Variants in NCKAP5 observed in about 807,000 individuals in gnomAD.
NCKAP5 encodes the protein nck-associated protein 5.
In NCKAP5, 92 loss-of-function variants were observed where a neutral mutation model predicts 167.0. The observed-to-expected ratio is 0.55, with a 90% CI of 0.47 to 0.66. The LOEUF (loss-of-function observed/expected upper bound fraction) is 0.66. Ranked by LOEUF, NCKAP5 falls within the 30% of genes least tolerant of loss-of-function variation. The pLI is 0.00. For missense variants in NCKAP5, 2,378 were observed against 2,315.0 expected, an observed-to-expected ratio of 1.03 and a Z score of -0.56; for synonymous variants, 891 against 877.4, an observed-to-expected ratio of 1.02 and a Z score of -0.27.
At chr2:132,759,979 T>C (rs1002238589) in intron 16 of NCKAP5, among the ~76,000 whole-genome samples, 2 of 152,100 alleles carry the variant, frequency 1.3e-5, no homozygotes, top group African/African-American at 4.8e-5. Context: ...ATTTTATTTC[T>C]ACCCTTAAAT....
intron 7 of NCKAP5, 98 bp from the exon 8 acceptor site, chr2:132,963,967 T>C (rs2076591462): frequency 5.9e-6 from 8 of 1,363,944 alleles, no homozygotes; most frequent in Non-Finnish European, 8.2e-6. Flanking sequence ...TGCGTGTGCA[T>C]TCTTCCGGGG....
At position 133,520,466 on chromosome 2, in the gene NCKAP5, A is replaced by C. The variant is rs566503012; in HGVS notation, c.-61-2879T>G. On this transcript the variant is annotated intron_variant, in intron 2 of 19. Coordinates refer to ENST00000409261, the MANE Select transcript of NCKAP5 (RefSeq NM_207363.3). The stretch of plus-strand genomic sequence containing the variant: ...TACTCTATATGACAGCATTGATAAT[A>C]GGACCTTCTTCATAGTAGGGTTTTC... Among the ~76,000 whole-genome samples the C allele has an allele frequency of 2.0e-5, 3 of 152,348 alleles. No individual in the cohort carries two copies. The East Asian group carries it at 5.8e-4, about 29-fold the overall frequency.
the NCKAP5 span, among the ~76,000 whole-genome samples, chr2:133,672,052 T>C: frequency 1.3e-5 from 2 of 152,152 alleles, no homozygotes; most frequent in Non-Finnish European, 2.9e-5. Flanking sequence ...ATAAATGCTA[T>C]GAAGAAAGAG....
In NCKAP5 at chr2:132,895,522, G is replaced by A. The variant is rs1000669917; in HGVS notation, c.580-16606C>T. On this transcript the variant is annotated intron_variant, in intron 8 of 19. Coordinates refer to ENST00000409261, the MANE Select transcript of NCKAP5 (RefSeq NM_207363.3). The stretch of plus-strand genomic sequence containing the variant: ...AGACATCTAGCCAGAAGCTGGAAAT[G>A]TAGGTCTAGTTTAAGAAGCCAGGGC... 4.6e-5 allele frequency among the ~76,000 whole-genome samples: 7 copies of A among 152,220 alleles called. No homozygotes were observed. In the East Asian group the frequency reaches 9.7e-4, roughly 21 times the overall value.
At chr2:133,186,257 T>G (rs940786185) in intron 5 of NCKAP5, among the ~76,000 whole-genome samples, 1 of 152,162 alleles carries the variant, frequency 6.6e-6, no homozygotes, top group Non-Finnish European at 1.5e-5. Flanking sequence ...TGAATCATGC[T>G]TATTGATTTG....
chr2:133,189,007 G>A (rs891367275), intron 5 of NCKAP5, among the ~76,000 whole-genome samples: 3 of 152,058 alleles, frequency 2.0e-5, no homozygotes, highest in South Asian at 2.1e-4. Flanking sequence ...CTGGTTTTTC[G>A]AAAAGATCAA....
At chr2:132,977,930 T>G (rs1302616979) in intron 7 of NCKAP5, among the ~76,000 whole-genome samples, 1 of 152,174 alleles carries the variant, frequency 6.6e-6, no homozygotes, top group Non-Finnish European at 1.5e-5. Context: ...AGCTATCACT[T>G]GAGGTGCTTC....
intron 4 of NCKAP5, among the ~76,000 whole-genome samples, chr2:133,228,779 C>T (rs1246920310): frequency 6.6e-6 from 1 of 152,158 alleles, no homozygotes; most frequent in African/African-American, 2.4e-5. Flanking sequence ...TTTCAAGACA[C>T]AGACCCTTTT....
chr2:132,789,963 G>C, intron 13 of NCKAP5, 60 bp downstream of exon 13: 1 of 1,506,702 alleles, frequency 6.6e-7, no homozygotes, highest in Non-Finnish European at 8.9e-7. Context: ...TCATCTCCAT[G>C]ACCAAATCCT....
intron 3 of NCKAP5, among the ~76,000 whole-genome samples, chr2:133,437,627 C>T (rs1433699684): frequency 6.6e-6 from 1 of 152,114 alleles, no homozygotes; most frequent in Admixed American, 6.5e-5. Flanking sequence ...TAGATGATTC[C>T]TAAAGCAGCC....
intron 3 of NCKAP5, among the ~76,000 whole-genome samples, chr2:133,400,331 C>T (rs530186223): frequency 6.6e-6 from 1 of 152,190 alleles, no homozygotes; most frequent in South Asian, 2.1e-4. Context: ...ACCCCTGGAG[C>T]CTGAGAATGG....
At chr2:132,707,444 C>T (rs768672786) in intron 19 of NCKAP5, among the ~76,000 whole-genome samples, 214 of 152,210 alleles carry the variant, frequency 1.4e-3, no homozygotes, top group Non-Finnish European at 2.5e-3. Context: ...TCAAGGACTG[C>T]AACTCTTGGG....
chr2:132,821,545 C>G (rs1686733990), intron 11 of NCKAP5, among the ~76,000 whole-genome samples: 1 of 152,088 alleles, frequency 6.6e-6, no homozygotes. Flanking sequence ...GAGTGGAGTC[C>G]AGGGGACCAG....
intron 11 of NCKAP5, among the ~76,000 whole-genome samples, chr2:132,828,389 T>C (rs558775886): frequency 2.0e-5 from 3 of 152,220 alleles, no homozygotes; most frequent in Middle Eastern, 6.8e-3. Flanking sequence ...CTCATGATAG[T>C]GAGTAGTTAC....
At chr2:132,831,488 C>T (rs570508955) in intron 11 of NCKAP5, among the ~76,000 whole-genome samples, 1 of 152,228 alleles carries the variant, frequency 6.6e-6, no homozygotes, top group Admixed American at 6.5e-5. Flanking sequence ...TTTTATTTCT[C>T]TGTTCATTGC....
chr2:133,511,688 C>G (rs1683507665), intron 3 of NCKAP5, among the ~76,000 whole-genome samples: 1 of 152,210 alleles, frequency 6.6e-6, no homozygotes, highest in Admixed American at 6.5e-5. Flanking sequence ...GCCATGGTCT[C>G]TATTCTAAGT....
intron 6 of NCKAP5, among the ~76,000 whole-genome samples, chr2:133,003,776 A>G (rs1158175859): frequency 6.6e-6 from 1 of 152,206 alleles, no homozygotes; most frequent in Admixed American, 6.5e-5. Context: ...ACTCATGAGG[A>G]TGCAAGAGCA....
At chr2:132,945,087 G>A (rs1347001079) in intron 8 of NCKAP5, among the ~76,000 whole-genome samples, 9 of 152,124 alleles carry the variant, frequency 5.9e-5, no homozygotes, top group Admixed American at 5.9e-4. Context: ...GGTTGAGTTG[G>A]CCAAGACACT....
intron 11 of NCKAP5, among the ~76,000 whole-genome samples, chr2:132,820,508 G>A (rs191760981): frequency 2.0e-5 from 3 of 152,080 alleles, no homozygotes; most frequent in Middle Eastern, 3.4e-3. Flanking sequence ...GATTACAGGC[G>A]TGAGCCACCG....
Sources: gnomAD v4.1 joint callset for allele counts (sites outside exome capture counted in the v4.1 genomes callset) on GRCh38, gnomAD v4.1.1 for gene constraint, MANE v1.5 for transcripts, NCBI Gene and HGNC (gene_info 2026-07-23, HGNC 2026-07-21) for gene names.